WDR64: variants seen among roughly 807,000 people sequenced by gnomAD.
The protein encoded by WDR64 is WD repeat domain 64.
Under a neutral mutation model 139.3 loss-of-function variants are expected in WDR64, and 112 were observed. The ratio of observed to expected loss-of-function variants is 0.80; its 90% confidence interval spans 0.69 to 0.94. The LOEUF (loss-of-function observed/expected upper bound fraction) is 0.94. Among genes scored for constraint, WDR64 ranks in the 40% least tolerant of loss-of-function variants. WDR64 has a pLI of 0.00. For missense variants in WDR64, 1,206 were observed against 1,293.1 expected (o/e 0.93, Z 1.03); for synonymous variants, 444 against 437.7 (o/e 1.01, Z -0.18).
At chr1:241,708,891 T>TG in intron 8 of WDR64, among the ~76,000 whole-genome samples, 1 of 152,214 alleles carries the variant, frequency 6.6e-6, no homozygotes, top group South Asian at 2.1e-4. Context: ...AATCAGATTT[T>TG]GGAACGACTG....
At chr1:241,782,068 C>T (rs193024673) in intron 22 of WDR64, among the ~76,000 whole-genome samples, 82 of 152,248 alleles carry the variant, frequency 5.4e-4, no homozygotes, top group Admixed American at 3.0e-3. Flanking sequence ...AGGCAGATCA[C>T]GAGGTCAAGA....
intron 25 of WDR64, 126 bp from the exon 26 acceptor site, chr1:241,795,081 T>G: frequency 1.4e-6 from 1 of 713,078 alleles, no homozygotes; most frequent in Non-Finnish European, 2.4e-6. Flanking sequence ...TTCTCATAAC[T>G]AGGTAACAGG....
chr1:241,693,246 A>G (rs564840798), intron 8 of WDR64, among the ~76,000 whole-genome samples: 2 of 152,362 alleles, frequency 1.3e-5, no homozygotes, highest in Admixed American at 1.3e-4. Context: ...GAAATGAGCT[A>G]TCAAGCCATA....
chr1:241,799,008 TCATG>T (rs1659444128), intron 27 of WDR64, among the ~76,000 whole-genome samples: 2 of 151,962 alleles, frequency 1.3e-5, no homozygotes, highest in South Asian at 4.2e-4. Flanking sequence ...ACATGTCCAA[TCATG>T]CAAAAATGTC....
At chr1:241,726,478 C>CAAA (rs1668845616) in intron 10 of WDR64, among the ~76,000 whole-genome samples, 1 of 151,604 alleles carries the variant, frequency 6.6e-6, no homozygotes, top group Non-Finnish European at 1.5e-5. Context: ...ACACTAAAAG[C>CAAA]GGGTGAGTTT....
At chr1:241,796,428 GT>G in intron 27 of WDR64, 58 bp downstream of exon 27, 7 of 1,149,710 alleles carry the variant, frequency 6.1e-6, no homozygotes, top group South Asian at 4.4e-5. Flanking sequence ...ATTTCTGTTT[GT>G]TTTTTTAAAA....
intron 6 of WDR64, 114 bp downstream of exon 6, chr1:241,679,709 G>C: frequency 2.4e-6 from 2 of 833,284 alleles, no homozygotes; most frequent in South Asian, 1.7e-5. Flanking sequence ...TAAAATGAGA[G>C]GATTTAAGTA....
rs1669549468 is a variant in WDR64, at chr1:241,741,673, C to T, written c.1470+9C>T. On this transcript the variant is annotated intron_variant, in intron 12 of 27. Transcript: ENST00000437684. ...CTGAATCCATAATTAGGGTAAGTACCTATTGGCTTTTCAAACAGAAAAAAA... is the reference window on the plus strand; with the variant it reads ...CTGAATCCATAATTAGGGTAAGTACTTATTGGCTTTTCAAACAGAAAAAAA... The T allele has an allele frequency of 1.9e-6, 3 of 1,571,218 alleles. No individual in the cohort carries two copies. Among genetic ancestry groups the T allele is most frequent in the Non-Finnish European group, 1.7e-6 (2 of 1,166,038 alleles).
intron 9 of WDR64, among the ~76,000 whole-genome samples, chr1:241,718,137 C>G (rs1668471572): frequency 6.6e-6 from 1 of 152,148 alleles, no homozygotes; most frequent in Non-Finnish European, 1.5e-5. Context: ...CTCTACAAGC[C>G]AACTCATTTA....
At chr1:241,789,791 T>G (rs1014138571) in intron 24 of WDR64, among the ~76,000 whole-genome samples, 1 of 152,106 alleles carries the variant, frequency 6.6e-6, no homozygotes, top group Non-Finnish European at 1.5e-5. Context: ...GTACTAGACT[T>G]AATACCTGGG....
At chr1:241,690,937 T>C (rs75991217) in intron 8 of WDR64, among the ~76,000 whole-genome samples, 1,644 of 152,250 alleles carry the variant, frequency 0.011, 21 homozygotes, top group African/African-American at 0.037. Context: ...TATATACACA[T>C]ATAAACATAT....
At chr1:241,705,421 A>T (rs192632165) in intron 8 of WDR64, among the ~76,000 whole-genome samples, 2 of 151,692 alleles carry the variant, frequency 1.3e-5, no homozygotes, top group African/African-American at 2.4e-5. Context: ...GGGCGCCTGT[A>T]GTCCCAGCTA....
chr1:241,731,736 G>A (rs1669090058), intron 10 of WDR64, among the ~76,000 whole-genome samples: 1 of 152,136 alleles, frequency 6.6e-6, no homozygotes, highest in Non-Finnish European at 1.5e-5. Context: ...TTAAAGACAT[G>A]CTGGATGTCT....
chr1:241,653,793 C>T (rs2148046225), intron 1 of WDR64, among the ~76,000 whole-genome samples: 1 of 152,234 alleles, frequency 6.6e-6, no homozygotes, highest in East Asian at 1.9e-4. Context: ...GATCCACCTG[C>T]CATGGCCTCC....
intron 8 of WDR64, among the ~76,000 whole-genome samples, chr1:241,710,544 G>T (rs1323707204): frequency 6.6e-6 from 1 of 151,666 alleles, no homozygotes. Context: ...GAGGGTGGGA[G>T]GGTGATGTCC....
At chr1:241,735,817 CTTTCTA>C (rs765320074) in intron 10 of WDR64, among the ~76,000 whole-genome samples, 14 of 94,922 alleles carry the variant, frequency 1.5e-4, no homozygotes, top group East Asian at 7.4e-4. Context: ...CTGTCCTTCT[CTTTCTA>C]TCTCTCTCTC....
intron 9 of WDR64, among the ~76,000 whole-genome samples, chr1:241,717,476 G>A (rs1476735524): frequency 6.6e-6 from 1 of 151,880 alleles, no homozygotes; most frequent in Non-Finnish European, 1.5e-5. Flanking sequence ...TTTTTTGTGT[G>A]AACTAAGCCC....
chr1:241,774,551 A>G (rs1454704762), intron 20 of WDR64, among the ~76,000 whole-genome samples: 1 of 152,236 alleles, frequency 6.6e-6, no homozygotes, highest in Non-Finnish European at 1.5e-5. Flanking sequence ...GTGCTGGCTT[A>G]TACTGAGCGC....
chr1:241,723,509 T>C, intron 10 of WDR64, 73 bp downstream of exon 10: 1 of 1,486,610 alleles, frequency 6.7e-7, no homozygotes, highest in Non-Finnish European at 9.0e-7. Context: ...ATAGGGATGA[T>C]ACAATTTTTG....
Sources: allele counts gnomAD v4.1 joint callset (sites outside exome capture counted in the v4.1 genomes callset), GRCh38; gene constraint gnomAD v4.1.1; transcripts MANE v1.5; gene names NCBI Gene and HGNC (gene_info 2026-07-23, HGNC 2026-07-21).